STAB2: variants seen among roughly 807,000 people sequenced by gnomAD.
STAB2 encodes stabilin-2.
Under a neutral mutation model 338.1 loss-of-function variants are expected in STAB2, and 288 were observed. The observed-to-expected ratio is 0.85, with a 90% CI of 0.77 to 0.94. The LOEUF is 0.94. Among genes scored for constraint, STAB2 ranks in the 40% least tolerant of loss-of-function variants. The pLI, the probability that STAB2 is intolerant of heterozygous loss-of-function variation, is 0.00. For missense variants in STAB2, 3,141 were observed against 3,210.1 expected, an observed-to-expected ratio of 0.98 and a Z score of 0.52; for synonymous variants, 1,202 against 1,193.3, an observed-to-expected ratio of 1.01 and a Z score of -0.15.
chr12:103,622,126 T>C lies in STAB2; in HGVS notation c.487+15T>C. On this transcript the variant is annotated intron_variant, in intron 5 of 68. Transcript: ENST00000388887. ...CTGTTCATCAGGTATGTCTGATTTT[T>C]GTGTAATCACCACATTTGTAAGGGT... 6.2e-7 allele frequency: 1 copy of C among 1,614,068 alleles called. No homozygotes were observed.
chr12:103,594,339 C>A (rs703596), intron 2 of STAB2, 56 bp from the exon 3 acceptor site: 261,924 of 1,320,216 alleles, frequency 0.2, 28,663 homozygotes, highest in Non-Finnish European at 0.22. Context: ...ATTCTACCAC[C>A]TAGAGTAACT....
intron 5 of STAB2, among the ~76,000 whole-genome samples, chr12:103,627,945 T>G (rs1267289447): frequency 2.0e-5 from 3 of 152,210 alleles, no homozygotes; most frequent in Non-Finnish European, 2.9e-5. Flanking sequence ...GTTGTATACC[T>G]AGTGCCTAAT....
intron 15 of STAB2, among the ~76,000 whole-genome samples, chr12:103,656,485 G>A (rs558253585): frequency 6.6e-6 from 1 of 152,278 alleles, no homozygotes; most frequent in African/African-American, 2.4e-5. Flanking sequence ...TGGTTTAGTG[G>A]TGCTGGGATG....
At chr12:103,763,201 CTGGG>C (rs1468166524) in intron 67 of STAB2, 2 of 327,442 alleles carry the variant, frequency 6.1e-6, no homozygotes, top group Admixed American at 4.4e-5. Context: ...AGCAGTTACC[CTGGG>C]TGGCAGGCAC....
intron 34 of STAB2, among the ~76,000 whole-genome samples, chr12:103,700,430 A>G (rs1257152847): frequency 1.3e-5 from 2 of 152,200 alleles, no homozygotes. Context: ...ATAACAAGTA[A>G]ATTTTTATGT....
At chr12:103,682,888 C>T (rs1156770049) in intron 25 of STAB2, among the ~76,000 whole-genome samples, 1 of 152,138 alleles carries the variant, frequency 6.6e-6, no homozygotes, top group Admixed American at 6.6e-5. Flanking sequence ...GCAGAAGTTG[C>T]AGTGAGCCAA....
intron 23 of STAB2, among the ~76,000 whole-genome samples, 188 bp from the exon 24 acceptor site, chr12:103,675,740 C>T (rs936641448): frequency 5.9e-5 from 9 of 152,228 alleles, no homozygotes; most frequent in African/African-American, 2.2e-4. Flanking sequence ...GGGCAGGCTT[C>T]ATTTCCACCC....
chr12:103,648,827 C>A lies in STAB2; in HGVS notation c.1174+4C>A. On this transcript the variant is annotated splice_donor_region_variant and intron_variant, in intron 10 of 68. Coordinates refer to ENST00000388887, the MANE Select transcript of STAB2 (RefSeq NM_017564.10). ...ACCTCTTTCATCTCACTCCTAGGTA[C>A]GCAGCTATGGGTACAGATTTCCACA... 1 of 1,613,144 alleles carries A rather than the reference C, an allele frequency of 6.2e-7. No individual in the cohort carries two copies. Among genetic ancestry groups the A allele is most frequent in the East Asian group, 2.2e-5 (1 of 44,860 alleles).
chr12:103,758,106 T>C (rs1008229807), intron 63 of STAB2, 64 bp from the exon 64 acceptor site: 7 of 1,605,098 alleles, frequency 4.4e-6, no homozygotes, highest in Middle Eastern at 1.7e-4. Context: ...TGGGACCTTC[T>C]TCAGCCACCC....
At chr12:103,749,209 C>T in intron 59 of STAB2, 53 bp downstream of exon 59, 1 of 1,525,654 alleles carries the variant, frequency 6.6e-7, no homozygotes, top group Non-Finnish European at 8.8e-7. Flanking sequence ...GGCTTCGCTC[C>T]TCCTTGCCTT....
At chr12:103,638,882 G>T (rs1468741298) in intron 8 of STAB2, among the ~76,000 whole-genome samples, 1 of 152,176 alleles carries the variant, frequency 6.6e-6, no homozygotes, top group East Asian at 1.9e-4. Flanking sequence ...CATACAGAAG[G>T]GTATTGCTGC....
intron 6 of STAB2, 24 bp downstream of exon 6, chr12:103,631,717 T>TGCCACA: frequency 6.2e-7 from 1 of 1,606,424 alleles, no homozygotes; most frequent in Non-Finnish European, 8.5e-7. Context: ...GTTCCCTTAA[T>TGCCACA]GCCACACCAG....
intron 63 of STAB2, 149 bp from the exon 64 acceptor site, chr12:103,758,021 C>G: frequency 1.7e-6 from 2 of 1,167,628 alleles, no homozygotes; most frequent in Non-Finnish European, 2.4e-6. Flanking sequence ...TCCCACGGCG[C>G]AGGCAGAAGA....
At chr12:103,598,923 G>A (rs1021060653) in intron 3 of STAB2, among the ~76,000 whole-genome samples, 2 of 152,178 alleles carry the variant, frequency 1.3e-5, no homozygotes, top group African/African-American at 4.8e-5. Flanking sequence ...ATTGACATGG[G>A]AGCAGAGGAG....
At chr12:103,701,007 C>T (rs1235214224) in intron 34 of STAB2, among the ~76,000 whole-genome samples, 1 of 143,996 alleles carries the variant, frequency 6.9e-6, no homozygotes, top group Non-Finnish European at 1.5e-5. Flanking sequence ...TCCCCCCTGC[C>T]CCCACCCCAC....
At chr12:103,757,157 C>T (rs545302124) in intron 63 of STAB2, among the ~76,000 whole-genome samples, 183 of 151,438 alleles carry the variant, frequency 1.2e-3, no homozygotes, top group African/African-American at 4.3e-3. Flanking sequence ...GGCATGATCT[C>T]GGCTCATGGC....
intron 27 of STAB2, among the ~76,000 whole-genome samples, chr12:103,685,422 CTG>C (rs141365936): frequency 0.017 from 2,457 of 145,272 alleles, 34 homozygotes; most frequent in African/African-American, 0.037. Context: ...CTTACCCATG[CTG>C]TGTGTGTGTG....
At chr12:103,623,639 C>A (rs1957337827) in intron 5 of STAB2, among the ~76,000 whole-genome samples, 1 of 152,180 alleles carries the variant, frequency 6.6e-6, no homozygotes, top group Non-Finnish European at 1.5e-5. Context: ...AAAAGGAGCA[C>A]AACACTGCCA....
chr12:103,643,333 T>C (rs757296134), intron 9 of STAB2, among the ~76,000 whole-genome samples: 2 of 152,228 alleles, frequency 1.3e-5, no homozygotes, highest in Non-Finnish European at 2.9e-5. Context: ...TCCATCGCAC[T>C]GTTCTTCAAA....
Sources: allele counts gnomAD v4.1 joint callset (sites outside exome capture counted in the v4.1 genomes callset), GRCh38; gene constraint gnomAD v4.1.1; transcripts MANE v1.5; gene names NCBI Gene and HGNC (gene_info 2026-07-23, HGNC 2026-07-21).